Variants in GSE1 observed in about 807,000 individuals in gnomAD.
GSE1 encodes genetic suppressor element 1.
In GSE1, 32 loss-of-function variants were observed where a neutral mutation model predicts 112.6. The ratio of observed to expected loss-of-function variants is 0.28; its 90% CI spans 0.21 to 0.38. The LOEUF (loss-of-function observed/expected upper bound fraction) is 0.38, where lower values mean the gene tolerates loss of function less well. Among genes scored for constraint, GSE1 ranks in the 10% least tolerant of loss-of-function variants. The probability of loss-of-function intolerance (pLI) is 1.00; values close to 1 mark genes in which losing one functional copy is unlikely to be tolerated. For synonymous variants in GSE1, 1,115 were observed against 735.6 expected (o/e 1.52, Z -8.35); for missense variants, 2,348 against 1,699.2 (o/e 1.38, Z -6.71).
intron 1 of GSE1, among the ~76,000 whole-genome samples, chr16:85,319,755 T>C (rs1837734036): frequency 6.6e-6 from 1 of 152,246 alleles, no homozygotes; most frequent in Admixed American, 6.5e-5. Flanking sequence ...TACTGTGTTA[T>C]TTCAGTTTGG....
chr16:85,332,912 C>A (rs904167384), intron 1 of GSE1, among the ~76,000 whole-genome samples: 29 of 152,098 alleles, frequency 1.9e-4, no homozygotes, highest in African/African-American at 5.8e-4. Flanking sequence ...CCTTTATCCC[C>A]TGTACCAGCC....
chr16:85,197,160 T>C (rs984899526), intron 1 of GSE1, among the ~76,000 whole-genome samples: 9 of 152,076 alleles, frequency 5.9e-5, no homozygotes, highest in African/African-American at 1.9e-4. Context: ...GCTCGGAGCC[T>C]GGCGGGGAAG....
chr16:85,670,776 G>C (rs1413095326), intron 14 of GSE1: 5 of 344,936 alleles, frequency 1.4e-5, no homozygotes, highest in Non-Finnish European at 2.6e-5. Context: ...TGGATCCTTT[G>C]TCTTTATTCC....
At chr16:85,218,310 C>T (rs571341591) in intron 1 of GSE1, among the ~76,000 whole-genome samples, 4 of 152,290 alleles carry the variant, frequency 2.6e-5, no homozygotes, top group African/African-American at 7.2e-5. Context: ...GCCCCAAGTC[C>T]GTGTGTTACC....
At chr16:85,355,346 G>T (rs1234967430) in intron 1 of GSE1, among the ~76,000 whole-genome samples, 1 of 152,206 alleles carries the variant, frequency 6.6e-6, no homozygotes, top group Non-Finnish European at 1.5e-5. Context: ...TGGTAGCACA[G>T]TTCGTTGTTC....
intron 2 of GSE1, among the ~76,000 whole-genome samples, chr16:85,371,649 G>A (rs1194056585): frequency 1.3e-5 from 2 of 152,220 alleles, no homozygotes; most frequent in Admixed American, 6.5e-5. Flanking sequence ...CTATTGTACT[G>A]TGCATGGACC....
rs923865594 is a variant in GSE1 at position 85,435,688 on chromosome 16, G to A, written c.2464+78045G>A. Among the ~76,000 whole-genome samples the A allele has an allele frequency of 2.0e-5, 3 of 152,172 alleles. No homozygotes were observed. The South Asian group carries it at 6.2e-4, about 32-fold the overall frequency. On this transcript the variant is annotated intron_variant, in intron 2 of 2. Coordinates refer to the GSE1 transcript ENST00000637419. ...GAGAGGGAGAGACGGTGTAGGATGA[G>A]GATGGCCTGGGAATGGGCAGCAGAA...
intron 1 of GSE1, among the ~76,000 whole-genome samples, chr16:85,271,424 G>C (rs923728755): frequency 5.3e-5 from 8 of 152,196 alleles, no homozygotes; most frequent in African/African-American, 1.9e-4. Flanking sequence ...TCAGAATCTG[G>C]TACAGGAAGA....
chr16:85,194,479 G>A (rs1250684028), intron 1 of GSE1, among the ~76,000 whole-genome samples: 1 of 151,806 alleles, frequency 6.6e-6, no homozygotes, highest in Admixed American at 6.6e-5. Flanking sequence ...GATTCAGACT[G>A]GTTACCAGGG....
intron 2 of GSE1, among the ~76,000 whole-genome samples, chr16:85,520,741 C>T (rs577363187): frequency 1.2e-3 from 182 of 152,278 alleles, no homozygotes; most frequent in Admixed American, 2.2e-3. Context: ...TATTTTTATT[C>T]TCAACCTTTC....
At chr16:85,327,610 C>A (rs887988706) in intron 1 of GSE1, among the ~76,000 whole-genome samples, 2 of 152,104 alleles carry the variant, frequency 1.3e-5, no homozygotes, top group African/African-American at 4.8e-5. Context: ...CTCAGAAAAA[C>A]AAAACAAAAC....
chr16:85,296,812 G>A (rs2151451938), intron 1 of GSE1, among the ~76,000 whole-genome samples: 1 of 151,464 alleles, frequency 6.6e-6, no homozygotes, highest in Non-Finnish European at 1.5e-5. Context: ...ACTGTCACTT[G>A]CTGCATGTAA....
chr16:85,547,020 A>G (rs536742989), intron 2 of GSE1, among the ~76,000 whole-genome samples: 6 of 152,204 alleles, frequency 3.9e-5, no homozygotes, highest in East Asian at 1.9e-4. Flanking sequence ...GTCCCAGTGG[A>G]GTGTGGACGT....
chr16:85,654,655 G>T, intron 4 of GSE1, 139 bp from the exon 5 acceptor site: 1 of 729,272 alleles, frequency 1.4e-6, no homozygotes, highest in Non-Finnish European at 2.4e-6. Flanking sequence ...CGCTGCTTAA[G>T]CCCCGTCCTC....
chr16:85,192,503 T>A (rs2074844002), intron 1 of GSE1, among the ~76,000 whole-genome samples: 1 of 152,216 alleles, frequency 6.6e-6, no homozygotes, highest in Non-Finnish European at 1.5e-5. Context: ...CGCCCGTTGC[T>A]GGGTGCCCAG....
Position 85,412,713 on chromosome 16 carries a change from C to T in GSE1, c.2464+55070C>T, listed in dbSNP as rs2048602913. Among the ~76,000 whole-genome samples, 2 of 148,464 alleles carry T rather than the reference C, an allele frequency of 1.3e-5. 1 individual carries two copies. The highest frequency in any genetic ancestry group is 1.3e-4 in the Admixed American group (2 of 14,972). Reference sequence around the variant, plus strand: ...ACACTCAGGGCACCTGGATAATCCTCACTGTTACTCTCAGGCCCCCCGGAT... The same window carrying T: ...ACACTCAGGGCACCTGGATAATCCTTACTGTTACTCTCAGGCCCCCCGGAT... On this transcript the variant is annotated intron_variant, in intron 2 of 2. Coordinates refer to the GSE1 transcript ENST00000637419.
At chr16:85,650,293 G>C (rs1040673273) in intron 3 of GSE1, among the ~76,000 whole-genome samples, 1 of 152,116 alleles carries the variant, frequency 6.6e-6, no homozygotes, top group Non-Finnish European at 1.5e-5. Context: ...CCCAGGGCCA[G>C]CCTTGACCCC....
intron 1 of GSE1, among the ~76,000 whole-genome samples, chr16:85,219,217 T>C (rs1002713640): frequency 1.8e-4 from 28 of 151,814 alleles, no homozygotes; most frequent in African/African-American, 6.5e-4. Flanking sequence ...TTTCATTATG[T>C]TGGGCAGGCT....
At chr16:85,492,066 AGCTG>A (rs2151895503) in intron 2 of GSE1, among the ~76,000 whole-genome samples, 1 of 152,204 alleles carries the variant, frequency 6.6e-6, no homozygotes, top group East Asian at 1.9e-4. Flanking sequence ...AGGCCTGGAG[AGCTG>A]GCTACCACTG....
Sources: gnomAD v4.1 joint callset for allele counts (sites outside exome capture counted in the v4.1 genomes callset) on GRCh38, gnomAD v4.1.1 for gene constraint, MANE v1.5 for transcripts, NCBI Gene and HGNC (gene_info 2026-07-23, HGNC 2026-07-21) for gene names.